Variants in DACH2 observed in about 807,000 individuals in gnomAD.
DACH2 encodes the protein dachshund family transcription factor 2.
A neutral mutation model predicts 35.8 loss-of-function variants in DACH2; 17 were observed. The observed-to-expected ratio is 0.48, with a 90% CI of 0.33 to 0.71. The LOEUF (loss-of-function observed/expected upper bound fraction) is 0.71. Among genes scored for constraint, DACH2 ranks in the 30% least tolerant of loss-of-function variants. The pLI, the probability that DACH2 is intolerant of heterozygous loss-of-function variation, is 0.02. For missense variants in DACH2, 469 were observed against 472.7 expected, an observed-to-expected ratio of 0.99 and a Z score of 0.07; for synonymous variants, 195 against 177.3, an observed-to-expected ratio of 1.10 and a Z score of -0.79.
chrX:86,817,387 G>C (rs1242290540), intron 11 of DACH2, among the ~76,000 whole-genome samples: 1 of 111,047 alleles, frequency 9.0e-6, no homozygotes, highest in Non-Finnish European at 1.9e-5. Context: ...TTGTGGGCCT[G>C]GTATTTGAGG....
chrX:86,328,080 A>AAATATCAT, intron 1 of DACH2, among the ~76,000 whole-genome samples: 1 of 111,340 alleles, frequency 9.0e-6, no homozygotes, highest in East Asian at 2.8e-4. Flanking sequence ...TTCTCATCAG[A>AAATATCAT]AATATCATTT....
intron 1 of DACH2, among the ~76,000 whole-genome samples, chrX:86,174,962 G>C (rs1025517050): frequency 8.9e-6 from 1 of 112,440 alleles, no homozygotes; most frequent in African/African-American, 3.2e-5. Flanking sequence ...GGGATTACAG[G>C]TGTAAACCAC....
intron 7 of DACH2, among the ~76,000 whole-genome samples, chrX:86,809,911 T>C (rs5923647): frequency 0.33 from 36,106 of 109,904 alleles, 4,804 homozygotes; most frequent in Middle Eastern, 0.42. Flanking sequence ...GTGTCTCTCT[T>C]GAGCCACATT....
chrX:86,313,547 AC>A (rs2034840526), intron 1 of DACH2, among the ~76,000 whole-genome samples: 2 of 112,176 alleles, frequency 1.8e-5, no homozygotes, highest in South Asian at 7.4e-4. Flanking sequence ...TACCTGTGAA[AC>A]TTGGAAAGTA....
intron 2 of DACH2, among the ~76,000 whole-genome samples, chrX:86,410,012 G>C (rs184029162): frequency 9.8e-4 from 110 of 111,931 alleles, no homozygotes; most frequent in African/African-American, 3.5e-3. Context: ...GGGATGTGTT[G>C]GAGAGGTATG....
intron 3 of DACH2, among the ~76,000 whole-genome samples, chrX:86,564,185 T>C (rs772100744): frequency 8.0e-4 from 89 of 111,433 alleles, no homozygotes; most frequent in Non-Finnish European, 1.6e-3. Context: ...TTATAAATTC[T>C]GGGATTACCT....
intron 1 of DACH2, among the ~76,000 whole-genome samples, chrX:86,149,571 C>T (rs781563471): frequency 9.0e-6 from 1 of 111,715 alleles, no homozygotes. Flanking sequence ...GCATTTGGGG[C>T]ATGCAGGGGG....
chrX:86,177,410 A>G (rs1245224532), intron 1 of DACH2, among the ~76,000 whole-genome samples: 1 of 112,097 alleles, frequency 8.9e-6, no homozygotes, highest in Non-Finnish European at 1.9e-5. Context: ...TGTAGTCACC[A>G]CTTCTCACAG....
At chrX:86,633,767 A>G (rs1025077762) in intron 3 of DACH2, among the ~76,000 whole-genome samples, 3 of 112,183 alleles carry the variant, frequency 2.7e-5, no homozygotes, top group Non-Finnish European at 5.6e-5. Flanking sequence ...ACTAAATGGT[A>G]ATACACCATG....
At chrX:86,522,652 G>T (rs1026213502) in intron 3 of DACH2, among the ~76,000 whole-genome samples, 1 of 111,198 alleles carries the variant, frequency 9.0e-6, no homozygotes, top group Non-Finnish European at 1.9e-5. Flanking sequence ...CCAAAATGAA[G>T]TTAGACTGCT....
intron 2 of DACH2, among the ~76,000 whole-genome samples, chrX:86,405,345 T>C (rs2036509407): frequency 9.0e-6 from 1 of 111,668 alleles, no homozygotes; most frequent in South Asian, 3.8e-4. Context: ...TCTTCCTGCA[T>C]ATACCCTAAA....
intron 2 of DACH2, among the ~76,000 whole-genome samples, chrX:86,450,046 C>T (rs1381629140): frequency 9.0e-6 from 1 of 111,336 alleles, no homozygotes; most frequent in African/African-American, 3.3e-5. Context: ...CCTTTAGTAT[C>T]TACCTTTTAT....
intron 3 of DACH2, among the ~76,000 whole-genome samples, chrX:86,577,316 GGC>G (rs2039447131): frequency 9.1e-6 from 1 of 110,420 alleles, no homozygotes; most frequent in South Asian, 3.8e-4. Context: ...GTTTTTAATA[GGC>G]TATTATAATT....
At chrX:86,777,774 T>C (rs2042050136) in intron 7 of DACH2, among the ~76,000 whole-genome samples, 1 of 111,511 alleles carries the variant, frequency 9.0e-6, no homozygotes, top group Non-Finnish European at 1.9e-5. Flanking sequence ...CACCACTTTC[T>C]GCTGTCATCC....
At chrX:86,725,087 GATTCTCCAATTT>G (rs2041451232) in intron 6 of DACH2, among the ~76,000 whole-genome samples, 1 of 106,568 alleles carries the variant, frequency 9.4e-6, no homozygotes, top group Non-Finnish European at 1.9e-5. Context: ...GTCCTGAATT[GATTCTCCAATTT>G]ATTTGCATTT....
chrX:86,811,534 G>GT (rs1337637261), intron 7 of DACH2, among the ~76,000 whole-genome samples: 3 of 111,703 alleles, frequency 2.7e-5, no homozygotes, highest in Non-Finnish European at 5.7e-5. Flanking sequence ...GTCACTGAAT[G>GT]TTTTTTCTGA....
At chrX:86,751,291 G>A (rs187693516) in intron 7 of DACH2, among the ~76,000 whole-genome samples, 19 of 110,459 alleles carry the variant, frequency 1.7e-4, no homozygotes, top group Non-Finnish European at 3.4e-4. Context: ...TAGAGTAGGC[G>A]TCATCCACGG....
chrX:86,449,660 A>T (rs1392074976), intron 2 of DACH2, among the ~76,000 whole-genome samples: 1 of 110,990 alleles, frequency 9.0e-6, no homozygotes, highest in Non-Finnish European at 1.9e-5. Flanking sequence ...CATATTTATT[A>T]CAAGATTTTG....
chrX:86,333,359 A>C (rs6524637), intron 1 of DACH2, among the ~76,000 whole-genome samples: 19,286 of 111,368 alleles, frequency 0.17, 1,855 homozygotes, highest in African/African-American at 0.36. Flanking sequence ...ATTTTACTGC[A>C]AGAAAAATGC....
Sources: allele counts gnomAD v4.1 joint callset (sites outside exome capture counted in the v4.1 genomes callset), GRCh38; gene constraint gnomAD v4.1.1; transcripts MANE v1.5; gene names NCBI Gene and HGNC (gene_info 2026-07-23, HGNC 2026-07-21).